Variants in MAP4K4 observed in about 807,000 individuals in gnomAD.
MAP4K4 encodes HPK/GCK-like kinase HGK.
In MAP4K4, 38 loss-of-function variants were observed where a neutral mutation model predicts 189.6. The ratio of observed to expected loss-of-function variants is 0.20; its 90% CI spans 0.15 to 0.26. The LOEUF (loss-of-function observed/expected upper bound fraction) is 0.26. Among genes scored for constraint, MAP4K4 ranks in the 10% least tolerant of loss-of-function variants. The pLI is 1.00. For missense variants in MAP4K4, 1,054 were observed against 1,726.9 expected (o/e 0.61, Z 6.91); for synonymous variants, 610 against 624.3 (o/e 0.98, Z 0.34).
intron 2 of MAP4K4, among the ~76,000 whole-genome samples, chr2:101,744,226 G>A (rs571761939): frequency 3.1e-4 from 47 of 152,280 alleles, no homozygotes; most frequent in Non-Finnish European, 2.1e-4. Context: ...AAAGAGAGGC[G>A]AAATTAATTT....
chr2:101,808,461 T>G (rs2095163579), intron 3 of MAP4K4, among the ~76,000 whole-genome samples: 1 of 152,140 alleles, frequency 6.6e-6, no homozygotes, highest in Non-Finnish European at 1.5e-5. Context: ...TCAAGGCTTT[T>G]TGGCCCTTTG....
At chr2:101,829,616 T>C (rs1049842065) in intron 6 of MAP4K4, 22 bp downstream of exon 6, 8 of 1,563,060 alleles carry the variant, frequency 5.1e-6, no homozygotes, top group Non-Finnish European at 7.0e-6. Context: ...ATGTGCGGCG[T>C]GATCTCATAA....
At chr2:101,799,347 TTAAAG>T (rs2094138353) in intron 3 of MAP4K4, among the ~76,000 whole-genome samples, 1 of 152,216 alleles carries the variant, frequency 6.6e-6, no homozygotes, top group African/African-American at 2.4e-5. Context: ...ATTAAAGACA[TTAAAG>T]TATCACTTTT....
At chr2:101,892,920 C>T (rs2098590832) in exon 33 of MAP4K4, 1 of 456,308 alleles carries the variant, frequency 2.2e-6, no homozygotes, top group Non-Finnish European at 4.4e-6. Context: ...TTGTCGAGTT[C>T]TGAGTGGAAA....
chr2:101,803,605 C>A (rs150838506), intron 3 of MAP4K4, among the ~76,000 whole-genome samples: 2 of 152,156 alleles, frequency 1.3e-5, no homozygotes, highest in African/African-American at 4.8e-5. Flanking sequence ...CTAATTTGTC[C>A]ATATGATAAA....
At chr2:101,780,771 A>G (rs567081829) in intron 2 of MAP4K4, among the ~76,000 whole-genome samples, 27 of 152,230 alleles carry the variant, frequency 1.8e-4, no homozygotes, top group Non-Finnish European at 2.2e-4. Flanking sequence ...GCTGAATTAA[A>G]TTATCTTCAA....
At chr2:101,829,873 C>A (rs1021029882) in intron 6 of MAP4K4, 2 of 279,824 alleles carry the variant, frequency 7.1e-6, no homozygotes, top group Non-Finnish European at 1.4e-5. Flanking sequence ...TAATGGCTTC[C>A]TATTTTACTT....
chr2:101,851,645 G>A (rs1352742473), intron 12 of MAP4K4, among the ~76,000 whole-genome samples: 1 of 142,014 alleles, frequency 7.0e-6, no homozygotes, highest in Admixed American at 7.3e-5. Context: ...ATGGTTGGTA[G>A]TTTAAATTCT....
intron 29 of MAP4K4, among the ~76,000 whole-genome samples, chr2:101,885,798 A>G (rs990337953): frequency 6.6e-6 from 1 of 152,252 alleles, no homozygotes. Flanking sequence ...CAGCTATAAC[A>G]TCTGAACTAA....
chr2:101,862,613 A>G (rs557529170), intron 16 of MAP4K4, among the ~76,000 whole-genome samples: 252 of 152,300 alleles, frequency 1.7e-3, no homozygotes, highest in Non-Finnish European at 2.8e-3. Flanking sequence ...TGCATTTGTT[A>G]TGAATTTGTG....
chr2:101,831,669 G>T, intron 6 of MAP4K4, 52 bp from the exon 7 acceptor site: 1 of 1,550,250 alleles, frequency 6.5e-7, no homozygotes. Context: ...AAGTATATCT[G>T]GTTTGTAGTT....
intron 32 of MAP4K4, among the ~76,000 whole-genome samples, chr2:101,889,904 T>A (rs2098541361): frequency 6.6e-6 from 1 of 152,340 alleles, no homozygotes; most frequent in South Asian, 2.1e-4. Flanking sequence ...CACTGTCTTC[T>A]GCAACCCTAC....
At chr2:101,886,901 T>C (rs1295032168) in intron 29 of MAP4K4, among the ~76,000 whole-genome samples, 187 bp from the exon 30 acceptor site, 1 of 152,002 alleles carries the variant, frequency 6.6e-6, no homozygotes, top group Non-Finnish European at 1.5e-5. Context: ...GGCGGGCACC[T>C]GTAGTCCCAG....
At chr2:101,863,393 T>C (rs1252369644) in intron 16 of MAP4K4, among the ~76,000 whole-genome samples, 1 of 152,192 alleles carries the variant, frequency 6.6e-6, no homozygotes, top group Non-Finnish European at 1.5e-5. Context: ...AATGTGAGGA[T>C]GGCTAGGTAG....
At chr2:101,784,430 G>A (rs1036778217) in intron 2 of MAP4K4, among the ~76,000 whole-genome samples, 1 of 152,102 alleles carries the variant, frequency 6.6e-6, no homozygotes, top group South Asian at 2.1e-4. Context: ...ACTGAGATGT[G>A]CATTAATAGG....
intron 2 of MAP4K4, among the ~76,000 whole-genome samples, chr2:101,756,754 A>T (rs1196108273): frequency 6.7e-6 from 1 of 149,808 alleles, no homozygotes; most frequent in East Asian, 2.0e-4. Flanking sequence ...TTTTGTAGAA[A>T]CAGGGTCTCA....
intron 10 of MAP4K4, among the ~76,000 whole-genome samples, chr2:101,840,786 G>T (rs1197413638): frequency 1.3e-5 from 2 of 152,162 alleles, no homozygotes; most frequent in Non-Finnish European, 2.9e-5. Context: ...AGAAGAGCAG[G>T]TTCAAGGCAG....
intron 2 of MAP4K4, among the ~76,000 whole-genome samples, chr2:101,757,886 G>T (rs995539595): frequency 6.6e-6 from 1 of 152,124 alleles, no homozygotes; most frequent in East Asian, 1.9e-4. Context: ...TTTTACAGGC[G>T]TGGTGGTACA....
intron 5 of MAP4K4, among the ~76,000 whole-genome samples, chr2:101,826,756 A>G (rs1016518882): frequency 2.0e-5 from 3 of 152,216 alleles, no homozygotes; most frequent in African/African-American, 7.2e-5. Context: ...CTTTCTCCTC[A>G]TCTATACATA....
Sources: allele counts gnomAD v4.1 joint callset (sites outside exome capture counted in the v4.1 genomes callset), GRCh38; gene constraint gnomAD v4.1.1; transcripts MANE v1.5; gene names NCBI Gene and HGNC (gene_info 2026-07-23, HGNC 2026-07-21).